The following FRMD4A variants were observed in gnomAD, a reference collection of about 807,000 sequenced individuals.
FRMD4A encodes FERM domain-containing protein 4A.
Under a neutral mutation model 129.1 loss-of-function variants are expected in FRMD4A, and 29 were observed. That is an observed-to-expected ratio of 0.22 (90% CI 0.17 to 0.31). The LOEUF (loss-of-function observed/expected upper bound fraction) is 0.31, where lower values mean the gene tolerates loss of function less well. Among genes scored for constraint, FRMD4A ranks in the 10% least tolerant of loss-of-function variants. FRMD4A has a pLI of 1.00. For missense variants in FRMD4A, 1,272 were observed against 1,375.8 expected, an observed-to-expected ratio of 0.92 and a Z score of 1.19; for synonymous variants, 634 against 571.6, an observed-to-expected ratio of 1.11 and a Z score of -1.56.
intron 2 of FRMD4A, among the ~76,000 whole-genome samples, chr10:14,089,763 T>G (rs192339023): frequency 6.6e-6 from 1 of 151,774 alleles, no homozygotes; most frequent in Non-Finnish European, 1.5e-5. Flanking sequence ...CAGTGTGGAG[T>G]TATCAGATGG....
intron 2 of FRMD4A, chr10:14,008,381 A>G (rs1588755097): frequency 9.8e-7 from 1 of 1,025,346 alleles, no homozygotes; most frequent in Non-Finnish European, 1.2e-6. Flanking sequence ...AAGTTCTGCA[A>G]CTTCAGCGCC....
intron 18 of FRMD4A, among the ~76,000 whole-genome samples, chr10:13,664,702 A>G (rs2082878831): frequency 8.8e-6 from 1 of 114,188 alleles, no homozygotes; most frequent in Non-Finnish European, 1.7e-5. Context: ...TACCATGTTA[A>G]CATTTTTTTT....
At position 14,210,710 on chromosome 10, in the gene FRMD4A, C is replaced by T. The variant is rs141256013; in HGVS notation, c.45+119348G>A. 6.1e-3 allele frequency among the ~76,000 whole-genome samples: 931 copies of T among 152,110 alleles called. 3 individuals are homozygous for T. The highest frequency in any genetic ancestry group is 9.5e-3 in the Non-Finnish European group (649 of 67,998). ...CATGTGGGCCTTGACTGTGGATTTC[C>T]GTCTTTGTTTGTTGTTTGTTTCTTT... On this transcript the variant is annotated intron_variant, in intron 2 of 24. Transcript: ENST00000357447.
At chr10:13,648,721 G>A (rs932577683) in intron 24 of FRMD4A, 8 of 152,222 alleles carry the variant, frequency 5.3e-5, no homozygotes, top group East Asian at 3.8e-4. Context: ...GTTTGCTTAC[G>A]CTTGTTGAAC....
rs200806807 is a variant in FRMD4A, at chr10:14,298,589, TA to T, written c.45+31468del. On this transcript the variant is annotated intron_variant, in intron 2 of 24. Transcript: ENST00000357447. The stretch of plus-strand genomic sequence containing the variant: ...GATTTTTATGTGACATCTCTCCACT[TA>T]AAAAAAATTAATTTTCAGTTTAGGA... Among the ~76,000 whole-genome samples, 1,340 of 151,566 alleles carry T rather than the reference TA, an allele frequency of 8.8e-3. 21 individuals carry two copies. The highest frequency in any genetic ancestry group is 0.031 in the African/African-American group (1,283 of 41,260).
chr10:13,679,458 A>AAAAAAAAAAT (rs1554838339), intron 15 of FRMD4A, among the ~76,000 whole-genome samples: 2 of 24,544 alleles, frequency 8.1e-5, no homozygotes, highest in Non-Finnish European at 1.4e-4. Context: ...AAAAAAAAAA[A>AAAAAAAAAAT]AAATATATAT....
At chr10:13,777,748 C>T (rs1031890760) in intron 6 of FRMD4A, among the ~76,000 whole-genome samples, 11 of 151,296 alleles carry the variant, frequency 7.3e-5, no homozygotes, top group Non-Finnish European at 1.2e-4. Context: ...AACGCAACTC[C>T]TCTCCCTTTC....
intron 2 of FRMD4A, among the ~76,000 whole-genome samples, chr10:13,937,443 C>G (rs1327032351): frequency 6.6e-6 from 1 of 152,188 alleles, no homozygotes; most frequent in African/African-American, 2.4e-5. Context: ...CAACCCAACG[C>G]CCAGCCTTTA....
At chr10:14,322,205 T>C (rs988508956) in intron 2 of FRMD4A, among the ~76,000 whole-genome samples, 18 of 151,880 alleles carry the variant, frequency 1.2e-4, no homozygotes, top group African/African-American at 4.4e-4. Context: ...CGTGAGTACA[T>C]AGGAGGGGCC....
intron 2 of FRMD4A, among the ~76,000 whole-genome samples, chr10:14,099,376 C>T (rs749805592): frequency 4.6e-5 from 7 of 152,172 alleles, no homozygotes; most frequent in Non-Finnish European, 7.3e-5. Context: ...AAGATAATTA[C>T]GATCAGAATA....
At chr10:13,893,127 C>T (rs1040738351) in intron 2 of FRMD4A, among the ~76,000 whole-genome samples, 14 of 152,276 alleles carry the variant, frequency 9.2e-5, no homozygotes, top group Admixed American at 8.5e-4. Context: ...ACCTCCCCGT[C>T]CTGGGCTCAA....
chr10:14,030,256 C>A (rs1237827513), intron 2 of FRMD4A, among the ~76,000 whole-genome samples: 2 of 152,038 alleles, frequency 1.3e-5, no homozygotes, highest in Non-Finnish European at 2.9e-5. Flanking sequence ...TAAGTGTTCT[C>A]ATCATAAAAT....
At position 14,039,391 on chromosome 10, in the gene FRMD4A, C is replaced by CT. The variant is rs1565204474; in HGVS notation, c.46-180480_46-180479insA. On this transcript the variant is annotated intron_variant, in intron 2 of 24. Transcript: ENST00000357447. ...CCGTCCATCCATCCATCCATCCATC[C>CT]ATCCATCCATCCATCCATCTATCTA... Among the ~76,000 whole-genome samples the CT allele has an allele frequency of 3.8e-5, 5 of 132,288 alleles. No homozygotes were observed. In the East Asian group the frequency reaches 6.7e-4, roughly 18 times the overall value. 86.8% of individuals were successfully genotyped at this position (132,288 alleles called of 152,430 possible). A position where few individuals can be genotyped will look rare whatever the true frequency, so the allele number is the denominator to read the frequency against.
At chr10:14,328,918 C>G (rs1007744202) in intron 2 of FRMD4A, among the ~76,000 whole-genome samples, 6 of 152,124 alleles carry the variant, frequency 3.9e-5, no homozygotes, top group African/African-American at 1.4e-4. Context: ...TTCTTCTAGT[C>G]CTACTCCCCC....
chr10:13,769,600 G>T (rs1462010436), intron 6 of FRMD4A, among the ~76,000 whole-genome samples: 1 of 152,094 alleles, frequency 6.6e-6, no homozygotes, highest in Non-Finnish European at 1.5e-5. Context: ...ATGAGCCACT[G>T]TGTCCGGCCC....
rs144756226 is a variant in FRMD4A, at chr10:13,941,433, C to T, written c.46-82521G>A. ...GTCTGGGGTATGTCTTTATCAGCAG[C>T]GTGTAAACGGACTAATACAGTGTGT... On this transcript the variant is annotated intron_variant, in intron 2 of 24. Transcript: ENST00000357447. Among the ~76,000 whole-genome samples, 7 of 152,242 alleles carry T rather than the reference C, an allele frequency of 4.6e-5. No individual in the cohort carries two copies. The East Asian group carries it at 5.8e-4, about 13-fold the overall frequency.
At chr10:13,913,057 G>A (rs2094960378) in intron 2 of FRMD4A, among the ~76,000 whole-genome samples, 3 of 139,364 alleles carry the variant, frequency 2.2e-5, no homozygotes, top group Admixed American at 7.4e-5. Context: ...TGGGTAAGAA[G>A]AGTAAAACTC....
chr10:13,710,850 C>A (rs1027531225), intron 12 of FRMD4A, among the ~76,000 whole-genome samples: 2 of 151,974 alleles, frequency 1.3e-5, no homozygotes, highest in African/African-American at 2.4e-5. Flanking sequence ...TCCGTCTCTG[C>A]GAAAAATACA....
At chr10:13,913,444 A>G (rs1284378287) in intron 2 of FRMD4A, among the ~76,000 whole-genome samples, 1 of 152,156 alleles carries the variant, frequency 6.6e-6, no homozygotes, top group Non-Finnish European at 1.5e-5. Context: ...TGTGAATTAG[A>G]TCTCAATAAT....
Sources: gnomAD v4.1 joint callset for allele counts (sites outside exome capture counted in the v4.1 genomes callset) on GRCh38, gnomAD v4.1.1 for gene constraint, MANE v1.5 for transcripts, NCBI Gene and HGNC (gene_info 2026-07-23, HGNC 2026-07-21) for gene names.